DCHS2: variants seen among roughly 807,000 people sequenced by gnomAD.
The protein encoded by DCHS2 is dachsous cadherin-related 2, also known as protocadherin-23.
Under a neutral mutation model 182.4 loss-of-function variants are expected in DCHS2, and 142 were observed. The ratio of observed to expected loss-of-function variants is 0.78; its 90% CI spans 0.68 to 0.89. The LOEUF is 0.89. Ranked by LOEUF, DCHS2 falls within the 40% of genes least tolerant of loss-of-function variation. DCHS2 has a pLI of 0.00. For synonymous variants in DCHS2, 1,740 were observed against 1,663.3 expected (o/e 1.05, Z -1.12); for missense variants, 4,319 against 4,198.6 (o/e 1.03, Z -0.79).
rs766453100 is a variant in DCHS2 at position 154,490,727 on chromosome 4, G to A, written c.629C>T (p.Ser210Phe). Residue 210 changes from serine (S) to phenylalanine (F), a missense_variant, in exon 1 of 20, where the codon TCC (serine) becomes TTC (phenylalanine). By Grantham distance (155) the Ser-to-Phe change is radical (BLOSUM62 -2). Transcript: ENST00000357232. ...STQGYTLVQP[S>F]DLPKDPAGPF... ...GCCTGCGGGGTCCTTGGGCAGGTCG[G>A]ACGGTTGCACCAGGGTGTAGCCCTG... 6.4e-7 allele frequency: 1 copy of A among 1,551,646 alleles called. No individual in the cohort carries two copies. Among genetic ancestry groups the A allele is most frequent in the Non-Finnish European group, 8.7e-7 (1 of 1,146,914 alleles).
chr4:154,470,379 T>C (rs1735409730), intron 1 of DCHS2, among the ~76,000 whole-genome samples: 1 of 151,922 alleles, frequency 6.6e-6, no homozygotes, highest in South Asian at 2.1e-4. Flanking sequence ...TCCTAGCTAC[T>C]CAGGTGGCTG....
chr4:154,453,610 T>C (rs1031292158), intron 1 of DCHS2, among the ~76,000 whole-genome samples: 1 of 152,110 alleles, frequency 6.6e-6, no homozygotes, highest in Admixed American at 6.6e-5. Context: ...GACCCCCTGG[T>C]CTAACCAAGA....
intron 12 of DCHS2, among the ~76,000 whole-genome samples, chr4:154,299,255 C>T (rs1735102670): frequency 6.6e-6 from 1 of 152,120 alleles, no homozygotes; most frequent in South Asian, 2.1e-4. Flanking sequence ...GTACAAGAAT[C>T]ATAACACTTT....
intron 13 of DCHS2, among the ~76,000 whole-genome samples, chr4:154,277,308 G>A (rs147791239): frequency 1.4e-3 from 216 of 152,248 alleles, no homozygotes; most frequent in African/African-American, 4.7e-3. Flanking sequence ...GAATACTGAT[G>A]GGGAGCCAGC....
intron 1 of DCHS2, among the ~76,000 whole-genome samples, chr4:154,481,706 A>G (rs1735928485): frequency 6.6e-6 from 1 of 152,224 alleles, no homozygotes; most frequent in Non-Finnish European, 1.5e-5. Context: ...AATCGCCACA[A>G]TAACCCTACC....
chr4:154,420,003 T>G (rs931394674), intron 1 of DCHS2, among the ~76,000 whole-genome samples: 1 of 152,126 alleles, frequency 6.6e-6, no homozygotes, highest in Non-Finnish European at 1.5e-5. Context: ...ACATCCTTTT[T>G]GGTAGCAGTA....
Position 154,236,692 on chromosome 4 carries a change from G to C in DCHS2, c.7960C>G (p.Gln2654Glu). Residue 2654 changes from glutamine to glutamate, a missense_variant, in exon 20 of 20, where the codon CAA becomes GAA. Coordinates refer to ENST00000357232, the MANE Select transcript of DCHS2 (RefSeq NM_001358235.2). ...GGATTGTCATTGACATCAAGTACTT[G>C]TATTGATATGACAGCTGTGGAACTC... Reference protein sequence around the residue: ...PLSSTAVISIQVLDVNDNPPN... With the variant: ...PLSSTAVISIEVLDVNDNPPN... The C allele has an allele frequency of 1.2e-6, 2 of 1,613,990 alleles. No individual in the cohort carries two copies. Among genetic ancestry groups the C allele is most frequent in the African/African-American group, 1.3e-5 (1 of 75,046 alleles).
At chr4:154,438,880 C>T (rs910701553) in intron 1 of DCHS2, among the ~76,000 whole-genome samples, 1 of 152,154 alleles carries the variant, frequency 6.6e-6, no homozygotes, top group African/African-American at 2.4e-5. Context: ...CCTACAAACC[C>T]TCACTCTTCC....
chr4:154,463,702 CT>C (rs2111003232), intron 1 of DCHS2, among the ~76,000 whole-genome samples: 1 of 149,942 alleles, frequency 6.7e-6, no homozygotes, highest in South Asian at 2.1e-4. Flanking sequence ...TTCTCTCTCT[CT>C]CTCTCTCTCT....
At chr4:154,316,709 G>C (rs367930065) in intron 9 of DCHS2, among the ~76,000 whole-genome samples, 4 of 152,170 alleles carry the variant, frequency 2.6e-5, no homozygotes, top group East Asian at 3.9e-4. Flanking sequence ...ACTGGAACCT[G>C]GGAGGCGGAA....
chr4:154,302,981 A>ACAT (rs1735280185), intron 12 of DCHS2, among the ~76,000 whole-genome samples: 7 of 90,370 alleles, frequency 7.7e-5, no homozygotes, highest in Non-Finnish European at 1.1e-4. Context: ...ACACACACAC[A>ACAT]TATTTTTTTT....
intron 1 of DCHS2, among the ~76,000 whole-genome samples, chr4:154,469,372 T>C (rs1022093065): frequency 6.6e-6 from 1 of 152,292 alleles, no homozygotes; most frequent in Non-Finnish European, 1.5e-5. Context: ...AAATTAGCTT[T>C]GAACTTCCTA....
intron 1 of DCHS2, among the ~76,000 whole-genome samples, chr4:154,433,439 G>C (rs1053925678): frequency 8.0e-6 from 1 of 124,392 alleles, no homozygotes. Context: ...TCTGTCGCTA[G>C]GCTGGAGTGC....
At position 154,316,975 on chromosome 4, in the gene DCHS2, C is replaced by G. The variant is rs141430468; in HGVS notation, c.5021-988G>C. Among the ~76,000 whole-genome samples the G allele has an allele frequency of 5.1e-3, 770 of 152,242 alleles. 10 individuals carry two copies. Among genetic ancestry groups the G allele is most frequent in the African/African-American group, 0.018 (739 of 41,542 alleles). On this transcript the variant is annotated intron_variant, in intron 9 of 19. Transcript: ENST00000357232. ...TTTTAGGATTGCTGTTTGCTTCTCC[C>G]TTTTATAAGAATTTTTCTTGAAATA...
chr4:154,419,749 A>G (rs1733024389), intron 1 of DCHS2, among the ~76,000 whole-genome samples: 1 of 150,806 alleles, frequency 6.6e-6, no homozygotes, highest in African/African-American at 2.4e-5. Flanking sequence ...GTCCATATGA[A>G]GATGGTGAAG....
chr4:154,476,939 T>G (rs181036849), intron 1 of DCHS2, among the ~76,000 whole-genome samples: 365 of 145,660 alleles, frequency 2.5e-3, no homozygotes, highest in Non-Finnish European at 4.3e-3. Context: ...CCTAAGGACA[T>G]GATATTTTTA....
At chr4:154,417,352 C>A (rs1732911176) in intron 1 of DCHS2, among the ~76,000 whole-genome samples, 1 of 151,922 alleles carries the variant, frequency 6.6e-6, no homozygotes, top group African/African-American at 2.4e-5. Context: ...GGATTAGTAG[C>A]CTTACCAGAC....
rs963914917 is a variant in DCHS2 at position 154,489,473 on chromosome 4, G to T, written c.1883C>A (p.Ala628Glu). Reference protein sequence around the residue: ...IRTLDREVQEAVELKVVAQDL... With the variant: ...IRTLDREVQEEVELKVVAQDL... Reference sequence around the variant, plus strand: ...CTGGGCCACCACTTTCAGCTCCACCGCCTCCTGGACCTCTCGGTCTAGAGT... The same window carrying T: ...CTGGGCCACCACTTTCAGCTCCACCTCCTCCTGGACCTCTCGGTCTAGAGT... The change falls in exon 1 of 20, where the codon GCG becomes GAG. Residue 628 changes from alanine (A) to glutamate (E), a missense_variant. Physicochemically the swap from Ala to Glu is moderately radical, Grantham distance 107. Transcript: ENST00000357232. 1.9e-6 allele frequency: 3 copies of T among 1,551,560 alleles called. No individual in the cohort carries two copies. Among genetic ancestry groups the T allele is most frequent in the Non-Finnish European group, 2.6e-6 (3 of 1,146,992 alleles).
In DCHS2 at chr4:154,471,784, T is replaced by C. The variant is rs558739716; in HGVS notation, c.2052+17520A>G. Among the ~76,000 whole-genome samples, 12 of 152,146 alleles carry C rather than the reference T, an allele frequency of 7.9e-5. No homozygotes were observed. The East Asian group carries it at 2.1e-3, about 27-fold the overall frequency. ...GAACTTTTCCCTGGAAGAGTAATTG[T>C]TCATGCAAATCTGTGCCCAATCTTC... On this transcript the variant is annotated intron_variant, in intron 1 of 19. Transcript: ENST00000357232.
Sources: allele counts gnomAD v4.1 joint callset (sites outside exome capture counted in the v4.1 genomes callset), GRCh38; gene constraint gnomAD v4.1.1; transcripts MANE v1.5; gene names NCBI Gene and HGNC (gene_info 2026-07-23, HGNC 2026-07-21).